Variants in GINS4 observed in about 807,000 individuals in gnomAD.
GINS4 encodes the protein DNA replication complex GINS protein SLD5.
A neutral mutation model predicts 31.1 loss-of-function variants in GINS4; 20 were observed. That is an observed-to-expected ratio of 0.64 (90% confidence interval 0.45 to 0.93). GINS4 has a LOEUF of 0.93. GINS4 is among the 40% of genes least tolerant of loss of function. The pLI, the probability that GINS4 is intolerant of heterozygous loss-of-function variation, is 0.00. For synonymous variants in GINS4, 85 were observed against 97.9 expected (o/e 0.87, Z 0.78); for missense variants, 245 against 273.9 (o/e 0.89, Z 0.75).
Position 41,542,039 on chromosome 8 carries a change from CA to C in GINS4, c.628del (p.Thr210ProfsTer13). 1 of 1,614,194 alleles carries C rather than the reference CA, an allele frequency of 6.2e-7. No homozygotes were observed. ...EKGSQHLIRYKTIAPLVASGA... is the reference protein window; with the variant it reads ...EKGSQHLIRYXTIAPLVASGA... ...AGGGCTCACAGCACTTGATCCGATA[CA>C]AAACCATTGCACCTCTGGTTGCATC... On this transcript the variant is annotated frameshift_variant, in exon 8 of 8. Coordinates refer to ENST00000276533, the MANE Select transcript of GINS4 (RefSeq NM_032336.3). LOFTEE classifies it high-confidence loss of function.
chr8:41,537,471 C>CA, intron 4 of GINS4, 178 bp downstream of exon 4: 1 of 564,120 alleles, frequency 1.8e-6, no homozygotes, highest in Non-Finnish European at 3.2e-6. Flanking sequence ...CACAGAAGCA[C>CA]AGAGGAACGT....
intron 2 of GINS4, among the ~76,000 whole-genome samples, chr8:41,530,831 T>C (rs575849265): frequency 4.6e-5 from 7 of 152,368 alleles, no homozygotes; most frequent in African/African-American, 1.4e-4. Flanking sequence ...CATGTGCCAG[T>C]AACTGTGTTC....
At chr8:41,541,457 A>C (rs1326117709) in intron 6 of GINS4, among the ~76,000 whole-genome samples, 1 of 152,152 alleles carries the variant, frequency 6.6e-6, no homozygotes, top group Non-Finnish European at 1.5e-5. Context: ...CCTCTTTAAA[A>C]GCCCTGTTTC....
intron 2 of GINS4, among the ~76,000 whole-genome samples, chr8:41,535,263 GAGAGGC>G (rs1806722593): frequency 6.6e-6 from 1 of 152,116 alleles, no homozygotes; most frequent in South Asian, 2.1e-4. Context: ...ACTTGAACCC[GAGAGGC>G]AGAGGCTGCA....
rs1425209805 is a variant in GINS4, at chr8:41,541,895, C to T, written c.571C>T (p.Gln191Ter). ...ACTGGTAGAACCAGACACAGATGAG[C>T]AGAGGTGAGTGGCGTGCATCTTTCA... ...NILVEPDTDEQRDYVIDLEKG... is the reference protein window; with the variant it reads ...NILVEPDTDE The change falls in exon 7 of 8, where the codon CAG becomes TAG. Residue 191 changes from glutamine to a stop codon, truncating the protein, a stop_gained. Coordinates refer to ENST00000276533, the MANE Select transcript of GINS4 (RefSeq NM_032336.3). LOFTEE classifies it high-confidence loss of function. 6.2e-7 allele frequency: 1 copy of T among 1,613,826 alleles called. No homozygotes were observed. The highest frequency in any genetic ancestry group is 2.2e-5 in the East Asian group (1 of 44,882).
intron 4 of GINS4, 109 bp from the exon 5 acceptor site, chr8:41,539,569 G>A: frequency 1.3e-6 from 1 of 778,970 alleles, no homozygotes; most frequent in Non-Finnish European, 2.2e-6. Flanking sequence ...CCACCTCCAG[G>A]CCACATGTCC....
At chr8:41,536,980 C>T in intron 3 of GINS4, 200 bp from the exon 4 acceptor site, 1 of 530,608 alleles carries the variant, frequency 1.9e-6, no homozygotes, top group Non-Finnish European at 3.4e-6. Flanking sequence ...TTTTGGAAGC[C>T]TCTGGCTGAA....
At chr8:41,541,616 G>A (rs1232472905) in intron 6 of GINS4, among the ~76,000 whole-genome samples, 193 bp from the exon 7 acceptor site, 2 of 152,188 alleles carry the variant, frequency 1.3e-5, no homozygotes, top group Admixed American at 6.5e-5. Context: ...GAGGCTGCCT[G>A]AGGAAAACAA....
intron 2 of GINS4, 52 bp downstream of exon 2, chr8:41,530,350 T>TCAA (rs750633860): frequency 2.3e-6 from 3 of 1,290,418 alleles, no homozygotes; most frequent in Non-Finnish European, 3.3e-6. Flanking sequence ...TTTATTTAGT[T>TCAA]CAACTGTGAA....
intron 4 of GINS4, 49 bp from the exon 5 acceptor site, chr8:41,539,629 C>T: frequency 7.6e-7 from 1 of 1,315,170 alleles, no homozygotes; most frequent in South Asian, 1.2e-5. Flanking sequence ...ACATCCTTCT[C>T]TTTGACTTTT....
intron 6 of GINS4, 32 bp from the exon 7 acceptor site, chr8:41,541,777 A>G: frequency 6.4e-7 from 1 of 1,569,586 alleles, no homozygotes; most frequent in South Asian, 1.1e-5. Flanking sequence ...TTGGCCGAGG[A>G]TTTCCTAATC....
chr8:41,532,300 A>G (rs934988075), intron 2 of GINS4, among the ~76,000 whole-genome samples: 3 of 151,086 alleles, frequency 2.0e-5, no homozygotes, highest in Non-Finnish European at 4.5e-5. Context: ...AAGATGTTCA[A>G]CCTTTTTAGT....
chr8:41,533,615 G>A lies in GINS4; in HGVS notation c.97-2745G>A, dbSNP rs530297598. Among the ~76,000 whole-genome samples the A allele has an allele frequency of 1.6e-4, 24 of 152,310 alleles. 1 individual carries two copies. The East Asian group carries it at 2.9e-3, about 18-fold the overall frequency. On this transcript the variant is annotated intron_variant, in intron 2 of 7. Transcript: ENST00000276533. Reference sequence around the variant, plus strand: ...AAAGGGACAGCCTGACAGGGCTGCTGATGAGAACAGCTCCAGGAGCATATA... The same window carrying A: ...AAAGGGACAGCCTGACAGGGCTGCTAATGAGAACAGCTCCAGGAGCATATA...
At position 41,539,716 on chromosome 8, in the gene GINS4, A is replaced by C. The variant is rs1413621719; in HGVS notation, c.336A>C (p.Lys112Asn). 1.9e-6 allele frequency: 3 copies of C among 1,614,000 alleles called. No homozygotes were observed. Among genetic ancestry groups the C allele is most frequent in the Non-Finnish European group, 2.5e-6 (3 of 1,180,014 alleles). Residue 112 changes from lysine to asparagine, a missense_variant, in exon 5 of 8, where the codon AAA (lysine) becomes AAC (asparagine). Coordinates refer to ENST00000276533, the MANE Select transcript of GINS4 (RefSeq NM_032336.3). ...KFFPHVLEKE[K>N]TRPEGEPSSL... ...TCCCTCATGTCCTTGAGAAGGAAAA[A>C]ACACGTCCTGAGGGGGAGCCTTCCA...
rs1806801701 is a variant in GINS4 at position 41,539,691 on chromosome 8, T to C, written c.311T>C (p.Phe104Ser). The change falls in exon 5 of 8, where the codon TTC becomes TCC. Residue 104 changes from phenylalanine to serine, a missense_variant. Physicochemically the swap from Phe to Ser is radical, Grantham distance 155. Coordinates refer to ENST00000276533, the MANE Select transcript of GINS4 (RefSeq NM_032336.3). ...TTATCCTCACAGATAGAGAAGTTTT[T>C]CCCTCATGTCCTTGAGAAGGAAAAA... The part of the protein sequence containing the change: ...RCRLMKIEKF[F>S]PHVLEKEKTR... 2 of 1,613,096 alleles carry C rather than the reference T, an allele frequency of 1.2e-6. No homozygotes were observed. The highest frequency in any genetic ancestry group is 1.3e-5 in the African/African-American group (1 of 74,908).
chr8:41,537,405 C>A, intron 4 of GINS4, 112 bp downstream of exon 4: 1 of 676,938 alleles, frequency 1.5e-6, no homozygotes, highest in Non-Finnish European at 2.6e-6. Flanking sequence ...CCTGAAGATG[C>A]TGCTAAGAGC....
At chr8:41,540,808 C>T (rs1229866974) in intron 6 of GINS4, among the ~76,000 whole-genome samples, 1 of 152,224 alleles carries the variant, frequency 6.6e-6, no homozygotes, top group African/African-American at 2.4e-5. Flanking sequence ...GGGGACCACA[C>T]AGCCACCCCT....
chr8:41,543,702 CTT>C lies in GINS4; in HGVS notation c.*1626_*1627del, dbSNP rs71546397. The C allele has an allele frequency of 2.1e-5, 3 of 146,114 alleles. No individual in the cohort carries two copies. The highest frequency in any genetic ancestry group is 4.5e-5 in the Non-Finnish European group (3 of 66,174). The allele number at this position is 146,114 out of a possible 1,614,324, so 9.1% of individuals were successfully genotyped here. On this transcript the variant is annotated 3_prime_UTR_variant, in exon 8 of 8. Coordinates refer to ENST00000276533, the MANE Select transcript of GINS4 (RefSeq NM_032336.3). The stretch of plus-strand genomic sequence containing the variant: ...ATCAGTAGGGGAAAGCAAGGGAGGT[CTT>C]TTTTTTTTTTCTTTTTTGAGACGGA...
chr8:41,530,961 G>A (rs1041816878), intron 2 of GINS4, among the ~76,000 whole-genome samples: 14 of 152,152 alleles, frequency 9.2e-5, no homozygotes, highest in African/African-American at 2.7e-4. Context: ...GTCTCAAGCC[G>A]TTGCTTGCCT....
Sources: gnomAD v4.1 joint callset for allele counts (sites outside exome capture counted in the v4.1 genomes callset) on GRCh38, gnomAD v4.1.1 for gene constraint, MANE v1.5 for transcripts, NCBI Gene and HGNC (gene_info 2026-07-23, HGNC 2026-07-21) for gene names.